SMCHD1: variants seen among roughly 807,000 people sequenced by gnomAD.
SMCHD1 encodes structural maintenance of chromosomes flexible hinge domain containing 1, also known as structural maintenance of chromosomes flexible hinge domain-containing protein 1.
Under a neutral mutation model 254.7 loss-of-function variants are expected in SMCHD1, and 78 were observed. That is an observed-to-expected ratio of 0.31 (90% confidence interval 0.26 to 0.37). The LOEUF is 0.37. Among genes scored for constraint, SMCHD1 ranks in the 10% least tolerant of loss-of-function variants. SMCHD1 has a pLI of 1.00. For synonymous variants in SMCHD1, 766 were observed against 794.9 expected (o/e 0.96, Z 0.61); for missense variants, 1,840 against 2,408.1 (o/e 0.76, Z 4.94).
At chr18:2,704,316 T>C (rs1435281101) in intron 13 of SMCHD1, among the ~76,000 whole-genome samples, 1 of 152,190 alleles carries the variant, frequency 6.6e-6, no homozygotes, top group East Asian at 1.9e-4. Flanking sequence ...TTTACTCACA[T>C]GGAGATCTCA....
At chr18:2,787,254 C>G (rs578060414) in intron 45 of SMCHD1, among the ~76,000 whole-genome samples, 1 of 152,276 alleles carries the variant, frequency 6.6e-6, no homozygotes, top group Non-Finnish European at 1.5e-5. Context: ...CAAGAATTCA[C>G]TCACTCCCAA....
rs140898396 is a variant in SMCHD1 at position 2,752,969 on chromosome 18, A to G, written c.4346+417A>G. ...TAAGTTTCTTTACAAATCCTTTATC[A>G]TCAATAGGGTCAAAATGCTCATTAT... On this transcript the variant is annotated intron_variant, in intron 34 of 47. Transcript: ENST00000320876. 646 of 175,912 alleles carry G rather than the reference A, an allele frequency of 3.7e-3. 3 individuals carry two copies. The highest frequency in any genetic ancestry group is 0.015 in the African/African-American group (621 of 41,714). The allele number at this position is 175,912 out of a possible 1,614,324, so 10.9% of individuals were successfully genotyped here.
At chr18:2,678,229 T>TTC (rs1335321893) in intron 5 of SMCHD1, among the ~76,000 whole-genome samples, 5 of 90,258 alleles carry the variant, frequency 5.5e-5, no homozygotes, top group Non-Finnish European at 1.1e-4. Context: ...TTCTTTTTCT[T>TTC]TCTTTCTTTC....
At chr18:2,765,644 T>C (rs1343522132) in intron 37 of SMCHD1, among the ~76,000 whole-genome samples, 1 of 152,248 alleles carries the variant, frequency 6.6e-6, no homozygotes, top group Non-Finnish European at 1.5e-5. Context: ...GTGAGGATTC[T>C]CTTAGCCAGC....
rs1407064100 is a variant in SMCHD1 at position 2,804,287 on chromosome 18, T to G, written c.*1735T>G. The G allele has an allele frequency of 1.3e-5, 2 of 152,190 alleles. No individual in the cohort carries two copies. The highest frequency in any genetic ancestry group is 4.8e-5 in the African/African-American group (2 of 41,444). 9.4% of individuals were successfully genotyped at this position (152,190 alleles called of 1,614,324 possible). A position where few individuals can be genotyped will look rare whatever the true frequency, so the allele number is the denominator to read the frequency against. On this transcript the variant is annotated 3_prime_UTR_variant, in exon 48 of 48. Coordinates refer to ENST00000320876, the MANE Select transcript of SMCHD1 (RefSeq NM_015295.3). The stretch of plus-strand genomic sequence containing the variant: ...TTTTAAAAATTCTTTTTATTAGAAG[T>G]GTGTTTAAAAACATGTCTTTTTTTC...
At chr18:2,729,208 T>C (rs2143460141) in intron 23 of SMCHD1, 67 bp from the exon 24 acceptor site, 1 of 1,267,470 alleles carries the variant, frequency 7.9e-7, no homozygotes, top group African/African-American at 1.5e-5. Flanking sequence ...TTTGAAACTT[T>C]GAACAATTAC....
At chr18:2,721,004 T>C (rs973580764) in intron 19 of SMCHD1, among the ~76,000 whole-genome samples, 1 of 152,192 alleles carries the variant, frequency 6.6e-6, no homozygotes, top group Non-Finnish European at 1.5e-5. Context: ...TTGCTGGGGA[T>C]GAGGAGGGTC....
chr18:2,717,037 A>G (rs568308747), intron 17 of SMCHD1, among the ~76,000 whole-genome samples: 1 of 152,098 alleles, frequency 6.6e-6, no homozygotes, highest in African/African-American at 2.4e-5. Context: ...TTAGATCACA[A>G]ATCTTAGTCT....
chr18:2,736,025 T>A (rs2075242280), intron 25 of SMCHD1, among the ~76,000 whole-genome samples: 2 of 152,160 alleles, frequency 1.3e-5, no homozygotes, highest in Non-Finnish European at 2.9e-5. Context: ...AGAGCTACAG[T>A]AACCAAAACA....
At chr18:2,663,643 GT>G (rs1195619579) in intron 1 of SMCHD1, among the ~76,000 whole-genome samples, 2 of 151,830 alleles carry the variant, frequency 1.3e-5, no homozygotes, top group African/African-American at 4.9e-5. Context: ...CACCTCTCTT[GT>G]TTGCTAGGCT....
Position 2,697,656 on chromosome 18 carries a change from T to C in SMCHD1, c.1132-175T>C, listed in dbSNP as rs73365813. Among the ~76,000 whole-genome samples the C allele has an allele frequency of 5.6e-3, 857 of 152,356 alleles. 6 individuals carry two copies. The highest frequency in any genetic ancestry group is 0.02 in the African/African-American group (818 of 41,588). Reference sequence around the variant, plus strand: ...ATATTTTTTAGTAGTATGTTCCTTATTGAGATGCTACTTAAAGCTGTTTAA... The same window carrying C: ...ATATTTTTTAGTAGTATGTTCCTTACTGAGATGCTACTTAAAGCTGTTTAA... On this transcript the variant is annotated intron_variant, in intron 9 of 47. Coordinates refer to ENST00000320876, the MANE Select transcript of SMCHD1 (RefSeq NM_015295.3).
chr18:2,691,047 C>G (rs2074167778), intron 7 of SMCHD1, among the ~76,000 whole-genome samples: 1 of 148,914 alleles, frequency 6.7e-6, no homozygotes, highest in Non-Finnish European at 1.5e-5. Flanking sequence ...TTCTCGATAA[C>G]TTAATATACC....
intron 7 of SMCHD1, among the ~76,000 whole-genome samples, chr18:2,691,003 A>AT (rs1289232688): frequency 2.4e-3 from 340 of 144,356 alleles, no homozygotes; most frequent in Admixed American, 4.2e-3. Flanking sequence ...GATGGGTTGG[A>AT]TTTTTTTTTT....
chr18:2,684,505 G>T (rs1307146158), intron 5 of SMCHD1, among the ~76,000 whole-genome samples: 1 of 151,968 alleles, frequency 6.6e-6, no homozygotes, highest in Admixed American at 6.6e-5. Flanking sequence ...TTTAAAGAGG[G>T]TTTCTTTTAC....
At chr18:2,740,632 T>C in intron 27 of SMCHD1, 71 bp from the exon 28 acceptor site, 1 of 688,894 alleles carries the variant, frequency 1.5e-6, no homozygotes, top group Non-Finnish European at 2.2e-6. Flanking sequence ...AGCATGTTTT[T>C]ATAGTGTATT....
At chr18:2,712,484 A>G (rs993363764) in intron 17 of SMCHD1, among the ~76,000 whole-genome samples, 1 of 152,216 alleles carries the variant, frequency 6.6e-6, no homozygotes, top group Non-Finnish European at 1.5e-5. Flanking sequence ...TGTGAATCAA[A>G]TGCAGATTGA....
Position 2,802,634 on chromosome 18 carries a change from G to A in SMCHD1, c.*82G>A, listed in dbSNP as rs1402062463. On this transcript the variant is annotated 3_prime_UTR_variant, in exon 48 of 48. Transcript: ENST00000320876. ...CTCTGTTTCAGAAGACCAAGAGGGT[G>A]ACTTACCAGACTGAGTATTTCTGGG... 7.0e-6 allele frequency: 9 copies of A among 1,281,994 alleles called. No homozygotes were observed. Among genetic ancestry groups the A allele is most frequent in the Non-Finnish European group, 1.1e-6 (1 of 932,274 alleles). The allele number at this position is 1,281,994 out of a possible 1,614,324, so 79.4% of individuals were successfully genotyped here.
At chr18:2,724,212 A>G (rs2074982598) in intron 20 of SMCHD1, among the ~76,000 whole-genome samples, 1 of 150,462 alleles carries the variant, frequency 6.6e-6, no homozygotes, top group Non-Finnish European at 1.5e-5. Flanking sequence ...CTTAAATTCC[A>G]TTCCTCAGAA....
chr18:2,706,482 T>C lies in SMCHD1; in HGVS notation c.2063+12T>C. On this transcript the variant is annotated intron_variant, in intron 15 of 47. Coordinates refer to ENST00000320876, the MANE Select transcript of SMCHD1 (RefSeq NM_015295.3). The stretch of plus-strand genomic sequence containing the variant: ...GATGAAATGGCAAGGTAAGTCACAC[T>C]TCAAGATGCATGACAAAAATAAGAA... The C allele has an allele frequency of 6.5e-7, 1 of 1,537,958 alleles. No homozygotes were observed. The highest frequency in any genetic ancestry group is 8.9e-7 in the Non-Finnish European group (1 of 1,128,276).
Sources: gnomAD v4.1 joint callset for allele counts (sites outside exome capture counted in the v4.1 genomes callset) on GRCh38, gnomAD v4.1.1 for gene constraint, MANE v1.5 for transcripts, NCBI Gene and HGNC (gene_info 2026-07-23, HGNC 2026-07-21) for gene names.